The following MYH1 variants were observed in gnomAD, a reference collection of about 807,000 sequenced individuals.
MYH1 encodes myosin heavy chain 1.
Under a neutral mutation model 225.6 loss-of-function variants are expected in MYH1, and 214 were observed. That is an observed-to-expected ratio of 0.95 (90% CI 0.85 to 1.06). The LOEUF (loss-of-function observed/expected upper bound fraction) is 1.06, where lower values mean the gene tolerates loss of function less well. Ranked by LOEUF, MYH1 falls within the 50% of genes least tolerant of loss-of-function variation. The pLI, the probability that MYH1 is intolerant of heterozygous loss-of-function variation, is 0.00. For synonymous variants in MYH1, 774 were observed against 842.3 expected (o/e 0.92, Z 1.40); for missense variants, 2,098 against 2,344.2 (o/e 0.89, Z 2.17).
chr17:10,511,497 T>C (rs528798423), intron 14 of MYH1, among the ~76,000 whole-genome samples: 1 of 152,126 alleles, frequency 6.6e-6, no homozygotes, highest in Non-Finnish European at 1.5e-5. Context: ...AATTCAGAAA[T>C]CTTGAAACTA....
rs1278887641 is a variant in MYH1 at position 10,502,795 on chromosome 17, C to T, written c.3054G>A (p.Glu1018=). The change falls in exon 24 of 40, where the codon GAG becomes GAA. Residue 1018 remains glutamate (E), a synonymous_variant. Transcript: ENST00000226207. ...QQTLDDLQAE[E]DKVNTLTKAK... is the part of the protein sequence containing the mutation. The stretch of plus-strand genomic sequence containing the variant: ...CTTTGGTCAGGGTGTTGACTTTGTC[C>T]TCCTCTGCCTGCAGGTCATCCAGGG... 6.2e-7 allele frequency: 1 copy of T among 1,612,452 alleles called. No homozygotes were observed. Among genetic ancestry groups the T allele is most frequent in the South Asian group, 1.1e-5 (1 of 91,064 alleles).
chr17:10,494,672 A>G lies in MYH1; in HGVS notation c.5468T>C (p.Val1823Ala), dbSNP rs1169475148. 1 of 1,613,694 alleles carries G rather than the reference A, an allele frequency of 6.2e-7. No individual in the cohort carries two copies. The highest frequency in any genetic ancestry group is 1.7e-5 in the Admixed American group (1 of 59,920). Residue 1823 changes from valine to alanine, a missense_variant and splice_region_variant, in exon 38 of 40, where the codon GTT becomes GCT. Transcript: ENST00000226207. ...KKQIQKLEAR[V>A]RELEGEVESE... is the part of the protein sequence containing the mutation. ...TTCAACTTCACCTTCAAGTTCACGA[A>G]CCTACAAGAAGATGGACATTTTAAG...
At position 10,512,972 on chromosome 17, in the gene MYH1, C is replaced by A; in HGVS notation, c.806-7G>T. On this transcript the variant is annotated splice_polypyrimidine_tract_variant and splice_region_variant and intron_variant, in intron 9 of 39. Transcript: ENST00000226207. ...CTAGACTTCTCCAGAAGATCTGCAACGGATAGTAGACATCAGATTATGGGG... is the reference window on the plus strand; with the variant it reads ...CTAGACTTCTCCAGAAGATCTGCAAAGGATAGTAGACATCAGATTATGGGG... 6.3e-7 allele frequency: 1 copy of A among 1,588,662 alleles called. No individual in the cohort carries two copies. Among genetic ancestry groups the A allele is most frequent in the Non-Finnish European group, 8.6e-7 (1 of 1,158,686 alleles).
At chr17:10,514,927 G>A in intron 5 of MYH1, 32 bp from the exon 6 acceptor site, 1 of 1,606,360 alleles carries the variant, frequency 6.2e-7, no homozygotes, top group Non-Finnish European at 8.5e-7. Flanking sequence ...ATCAGCATAT[G>A]TATCAGTTAC....
chr17:10,501,836 G>T lies in MYH1; in HGVS notation c.3187C>A (p.Leu1063Ile), dbSNP rs1276320644. 2.5e-6 allele frequency: 4 copies of T among 1,613,174 alleles called. No homozygotes were observed. The African/African-American group carries it at 5.3e-5, about 22-fold the overall frequency. Residue 1063 changes from leucine (L) to isoleucine (I), a missense_variant, in exon 25 of 40, where the codon CTA (leucine) becomes ATA (isoleucine). Transcript: ENST00000226207. ...ATTGTGGATTCTTGAGCCAATTTTA[G>T]GTCTCCCTCTAGTTTTCTCTTTGCT... ...ERAKRKLEGD[L>I]KLAQESTMDI...
At chr17:10,503,854 T>C (rs1415633575) in intron 22 of MYH1, among the ~76,000 whole-genome samples, 2 of 152,244 alleles carry the variant, frequency 1.3e-5, no homozygotes, top group Non-Finnish European at 2.9e-5. Context: ...AACAGAAGTT[T>C]TATAATACTA....
chr17:10,506,088 A>C lies in MYH1; in HGVS notation c.1980T>G (p.Asn660Lys), dbSNP rs760654103. 6.2e-7 allele frequency: 1 copy of C among 1,614,228 alleles called. No individual in the cohort carries two copies. Among genetic ancestry groups the C allele is most frequent in the Non-Finnish European group, 8.5e-7 (1 of 1,180,034 alleles). The stretch of plus-strand genomic sequence containing the variant: ...TGCTCCTCAAGTTGGTCATCAGCTT[A>C]TTCAAATTCTCCTGTGGAACCATGC... Reference protein sequence around the residue: ...TVSALFRENLNKLMTNLRSTH... With the variant: ...TVSALFRENLKKLMTNLRSTH... Residue 660 changes from asparagine to lysine, a missense_variant, in exon 18 of 40, where the codon AAT (asparagine) becomes AAG (lysine). By Grantham distance (94) the Asn-to-Lys change is moderately conservative (BLOSUM62 0). Coordinates refer to ENST00000226207, the MANE Select transcript of MYH1 (RefSeq NM_005963.4).
chr17:10,504,704 A>G, intron 22 of MYH1, 106 bp downstream of exon 22: 1 of 1,276,198 alleles, frequency 7.8e-7, no homozygotes, highest in Non-Finnish European at 1.1e-6. Flanking sequence ...GGATTATTAA[A>G]GATTCATAAT....
Position 10,495,243 on chromosome 17 carries a change from G to T in MYH1, c.5244C>A (p.Ile1748=). 6.2e-7 allele frequency: 1 copy of T among 1,614,144 alleles called. No homozygotes were observed. Among genetic ancestry groups the T allele is most frequent in the Non-Finnish European group, 8.5e-7 (1 of 1,180,032 alleles). ...ISQIQGEMED[I]IQEARNAEEK... ...CTTCTGCATTGCGGGCTTCCTGGAT[G>T]ATGTCTTCCATCTCTCCCTGGATTT... is the stretch of plus-strand genomic sequence containing the variant. The change falls in exon 36 of 40, where the codon ATC becomes ATA. Residue 1748 remains isoleucine, a synonymous_variant. Coordinates refer to ENST00000226207, the MANE Select transcript of MYH1 (RefSeq NM_005963.4).
rs2073073178 is a variant in MYH1 at position 10,502,912 on chromosome 17, C to G, written c.2937G>C (p.Val979=). Residue 979 remains valine, a splice_region_variant and synonymous_variant, in exon 24 of 40, where the codon GTG becomes GTC. Transcript: ENST00000226207. ...EKEKHATENK[V]KNLTEEMAGL... ...CCGCCATCTCTTCTGTGAGGTTTTTCACCTACAAAGGTGAAGAAAGCAGCT... is the reference window on the plus strand; with the variant it reads ...CCGCCATCTCTTCTGTGAGGTTTTTGACCTACAAAGGTGAAGAAAGCAGCT... 1 of 1,614,020 alleles carries G rather than the reference C, an allele frequency of 6.2e-7. No homozygotes were observed. The highest frequency in any genetic ancestry group is 1.3e-5 in the African/African-American group (1 of 74,912).
chr17:10,502,224 T>C (rs1166228405), intron 24 of MYH1, among the ~76,000 whole-genome samples: 2 of 152,246 alleles, frequency 1.3e-5, no homozygotes, highest in Admixed American at 6.5e-5. Flanking sequence ...CCATGAACTT[T>C]TTTAACGCCT....
Position 10,494,384 on chromosome 17 carries a change from C to T in MYH1, c.5637G>A (p.Val1879=). The part of the protein sequence containing the change: ...QDLVDKLQAK[V]KSYKRQAEEA... ...CTTCAGCTTGTCTCTTGTAGGATTT[C>T]ACCTTTGCTTGCAGTTTGTCCACCA... is the stretch of plus-strand genomic sequence containing the variant. Residue 1879 remains valine (V), a synonymous_variant, in exon 39 of 40, where the codon GTG becomes GTA. Transcript: ENST00000226207. 1 of 1,614,206 alleles carries T rather than the reference C, an allele frequency of 6.2e-7. No individual in the cohort carries two copies. Among genetic ancestry groups the T allele is most frequent in the Non-Finnish European group, 8.5e-7 (1 of 1,180,044 alleles).
intron 27 of MYH1, 132 bp downstream of exon 27, chr17:10,500,978 A>G: frequency 6.9e-7 from 1 of 1,438,998 alleles, no homozygotes; most frequent in Non-Finnish European, 9.4e-7. Context: ...CTACTTTACT[A>G]AGTTGTACTA....
At chr17:10,512,263 G>A in intron 12 of MYH1, 71 bp from the exon 13 acceptor site, 6 of 1,583,512 alleles carry the variant, frequency 3.8e-6, no homozygotes, top group Non-Finnish European at 5.2e-6. Context: ...GCATAGTATT[G>A]AGTAAATAAC....
At chr17:10,500,050 T>A (rs2073035622) in intron 28 of MYH1, among the ~76,000 whole-genome samples, 1 of 152,166 alleles carries the variant, frequency 6.6e-6, no homozygotes, top group African/African-American at 2.4e-5. Flanking sequence ...TGGGTTGTGG[T>A]CTTGAATATT....
At position 10,511,869 on chromosome 17, in the gene MYH1, G is replaced by A; in HGVS notation, c.1386C>T (p.Val462=). 1 of 1,614,166 alleles carries A rather than the reference G, an allele frequency of 6.2e-7. No homozygotes were observed. The highest frequency in any genetic ancestry group is 1.1e-5 in the South Asian group (1 of 91,078). Residue 462 remains valine, a synonymous_variant, in exon 14 of 40, where the codon GTC becomes GTT. Coordinates refer to ENST00000226207, the MANE Select transcript of MYH1 (RefSeq NM_005963.4). The part of the protein sequence containing the change: ...TKQPRQYFIG[V]LDIAGFEIFD... ...AGATCTCAAAGCCAGCAATGTCCAAGACCCCAATGAAGTACTGCCTGGGCT... is the reference window on the plus strand; with the variant it reads ...AGATCTCAAAGCCAGCAATGTCCAAAACCCCAATGAAGTACTGCCTGGGCT...
intron 27 of MYH1, 91 bp from the exon 28 acceptor site, chr17:10,500,843 A>G (rs2073046601): frequency 6.5e-7 from 1 of 1,547,494 alleles, no homozygotes; most frequent in Non-Finnish European, 8.8e-7. Context: ...GAGCTGCAGT[A>G]CTCATTTATT....
chr17:10,509,781 C>T (rs373730676), intron 14 of MYH1, 126 bp from the exon 15 acceptor site: 1 of 1,517,340 alleles, frequency 6.6e-7, no homozygotes, highest in Admixed American at 1.9e-5. Context: ...CCTATACCTA[C>T]ACAATGAAGT....
chr17:10,492,558 G>T lies in MYH1; in HGVS notation c.5678C>A (p.Ser1893Tyr), dbSNP rs746337549. 1.6e-5 allele frequency: 26 copies of T among 1,612,700 alleles called. 1 individual carries two copies. In the South Asian group the frequency reaches 2.6e-4, roughly 16 times the overall value. Residue 1893 changes from serine (S) to tyrosine (Y), a missense_variant, in exon 40 of 40, where the codon TCC becomes TAC. By Grantham distance (144) the Ser-to-Tyr change is moderately radical. Transcript: ENST00000226207. ...GCGGAATTTGGAGAGGTTGACGTTGGATTGTTCCTCCTGTGAATGGAAATC... is the reference window on the plus strand; with the variant it reads ...GCGGAATTTGGAGAGGTTGACGTTGTATTGTTCCTCCTGTGAATGGAAATC... ...KRQAEEAEEQ[S>Y]NVNLSKFRRI...
Sources: gnomAD v4.1 joint callset for allele counts (sites outside exome capture counted in the v4.1 genomes callset) on GRCh38, gnomAD v4.1.1 for gene constraint, MANE v1.5 for transcripts, NCBI Gene and HGNC (gene_info 2026-07-23, HGNC 2026-07-21) for gene names.